Variants in TOLLIP observed in about 807,000 individuals in gnomAD.
The protein encoded by TOLLIP is toll-interacting protein.
In TOLLIP, 16 loss-of-function variants were observed where a neutral mutation model predicts 33.5. The ratio of observed to expected loss-of-function variants is 0.48; its 90% CI spans 0.32 to 0.72. The LOEUF is 0.72. Among genes scored for constraint, TOLLIP ranks in the 30% least tolerant of loss-of-function variants. The pLI, the probability that TOLLIP is intolerant of heterozygous loss-of-function variation, is 0.03. For synonymous variants in TOLLIP, 176 were observed against 163.7 expected (o/e 1.07, Z -0.57); for missense variants, 325 against 396.6 (o/e 0.82, Z 1.53).
intron 3 of TOLLIP, among the ~76,000 whole-genome samples, chr11:1,289,673 G>A (rs1170794392): frequency 6.8e-6 from 1 of 147,866 alleles, no homozygotes; most frequent in African/African-American, 2.5e-5. Flanking sequence ...CCAGACGAGT[G>A]CCCAGTGGAC....
At chr11:1,280,670 GCGCCGGA>G (rs778378867) in intron 5 of TOLLIP, among the ~76,000 whole-genome samples, 4 of 152,056 alleles carry the variant, frequency 2.6e-5, no homozygotes, top group Non-Finnish European at 5.9e-5. Flanking sequence ...GGCTGGGGAG[GCGCCGGA>G]CGCCCCACTT....
chr11:1,296,789 G>A (rs2133919093), intron 1 of TOLLIP, among the ~76,000 whole-genome samples: 1 of 109,398 alleles, frequency 9.1e-6, no homozygotes, highest in East Asian at 2.8e-4. Flanking sequence ...TGCTGGTGGA[G>A]TGGGGTGGAG....
At chr11:1,301,381 C>T (rs946434588) in intron 1 of TOLLIP, among the ~76,000 whole-genome samples, 4 of 152,224 alleles carry the variant, frequency 2.6e-5, no homozygotes, top group East Asian at 1.9e-4. Context: ...CCCACACAAA[C>T]GGCATCCGCA....
chr11:1,296,299 A>G (rs758879462), intron 1 of TOLLIP, among the ~76,000 whole-genome samples: 9 of 152,270 alleles, frequency 5.9e-5, no homozygotes, highest in Non-Finnish European at 1.3e-4. Context: ...GTATCCCAGA[A>G]GAACGCAGGA....
At chr11:1,283,554 G>A (rs1403412033) in intron 5 of TOLLIP, 1 of 456,230 alleles carries the variant, frequency 2.2e-6, no homozygotes, top group South Asian at 1.5e-5. Context: ...ATCTCCTTGG[G>A]AACTTTTCTA....
rs1395031762 is a variant in TOLLIP at position 1,295,803 on chromosome 11, C to T, written c.34-9G>A. 1 of 1,547,308 alleles carries T rather than the reference C, an allele frequency of 6.5e-7. No homozygotes were observed. Among genetic ancestry groups the T allele is most frequent in the Admixed American group, 2.0e-5 (1 of 50,888 alleles). On this transcript the variant is annotated splice_polypyrimidine_tract_variant and intron_variant, in intron 1 of 5. Coordinates refer to ENST00000317204, the MANE Select transcript of TOLLIP (RefSeq NM_019009.4). ...AGCTCACCGATGTACACCTGCGGGG[C>T]CGGGGACCAGAGAGGCCAGTGAGTC...
At chr11:1,280,587 G>A (rs558847993) in intron 5 of TOLLIP, among the ~76,000 whole-genome samples, 3 of 152,220 alleles carry the variant, frequency 2.0e-5, no homozygotes, top group African/African-American at 7.2e-5. Context: ...TGGAAACAGC[G>A]TCAACGGGCA....
intron 1 of TOLLIP, chr11:1,302,758 C>T (rs1482961916): frequency 1.0e-6 from 1 of 985,630 alleles, no homozygotes; most frequent in Non-Finnish European, 1.2e-6. Flanking sequence ...TTTCATGCAA[C>T]TGCTCTTGGC....
At chr11:1,282,774 G>A (rs1377307293) in intron 5 of TOLLIP, among the ~76,000 whole-genome samples, 652 of 105,668 alleles carry the variant, frequency 6.2e-3, no homozygotes, top group Middle Eastern at 0.043. Context: ...AAAACTTAAA[G>A]TATAATTAAA....
In TOLLIP at chr11:1,288,665, C is replaced by G; in HGVS notation, c.478G>C (p.Asp160His). ...AGGTTGATCATGCCCTCCTTGTCGT[C>G]CCCCTGCCTCCCGCTCAGGCTGTAC... ...KWYSLSGRQGDDKEGMINLVM... is the reference protein window; with the variant it reads ...KWYSLSGRQGHDKEGMINLVM... The change falls in exon 4 of 6, where the codon GAC (aspartate) becomes CAC (histidine). Residue 160 changes from aspartate (D) to histidine (H), a missense_variant. Asp to His is a moderately conservative substitution (Grantham distance 81). Transcript: ENST00000317204. The G allele has an allele frequency of 6.2e-7, 1 of 1,612,806 alleles. No homozygotes were observed. Among genetic ancestry groups the G allele is most frequent in the Non-Finnish European group, 8.5e-7 (1 of 1,179,780 alleles).
chr11:1,299,784 G>C (rs1465530678), intron 1 of TOLLIP, among the ~76,000 whole-genome samples: 1 of 152,214 alleles, frequency 6.6e-6, no homozygotes, highest in Non-Finnish European at 1.5e-5. Flanking sequence ...GGGCACGTGA[G>C]CACAGGATGC....
chr11:1,288,161 A>G (rs1011210977), intron 4 of TOLLIP, among the ~76,000 whole-genome samples: 1 of 152,080 alleles, frequency 6.6e-6, no homozygotes, highest in Admixed American at 6.5e-5. Flanking sequence ...AGCAGCCCCC[A>G]GGCTTCCCCG....
At chr11:1,291,387 C>G (rs1212312419) in intron 2 of TOLLIP, among the ~76,000 whole-genome samples, 1 of 151,916 alleles carries the variant, frequency 6.6e-6, no homozygotes, top group African/African-American at 2.4e-5. Flanking sequence ...TCCCGGCCCT[C>G]CCACCCACAT....
intron 1 of TOLLIP, among the ~76,000 whole-genome samples, chr11:1,305,616 G>A (rs553672351): frequency 1.3e-5 from 2 of 152,324 alleles, no homozygotes; most frequent in African/African-American, 4.8e-5. Context: ...ATAAAGTTCA[G>A]AAACTACCCT....
At chr11:1,305,546 C>T (rs905519468) in intron 1 of TOLLIP, among the ~76,000 whole-genome samples, 2 of 152,202 alleles carry the variant, frequency 1.3e-5, no homozygotes, top group Admixed American at 1.3e-4. Context: ...CAGCCGACAC[C>T]GGTTGATGGG....
intron 1 of TOLLIP, among the ~76,000 whole-genome samples, chr11:1,307,371 G>C (rs1294313561): frequency 6.6e-6 from 1 of 152,218 alleles, no homozygotes; most frequent in Non-Finnish European, 1.5e-5. Context: ...CACAGGCCCT[G>C]CGTGTGAGAA....
intron 1 of TOLLIP, among the ~76,000 whole-genome samples, chr11:1,297,181 G>A (rs975620805): frequency 6.6e-6 from 1 of 152,134 alleles, no homozygotes; most frequent in Admixed American, 6.5e-5. Flanking sequence ...TGCTGAGGCC[G>A]CCAGAACGCC....
intron 1 of TOLLIP, among the ~76,000 whole-genome samples, chr11:1,306,436 C>G (rs931181438): frequency 6.6e-6 from 1 of 152,118 alleles, no homozygotes; most frequent in African/African-American, 2.4e-5. Context: ...CAGGGTCTCC[C>G]GAGCCAGAGT....
chr11:1,295,591 AC>A, intron 2 of TOLLIP, 53 bp downstream of exon 2: 1 of 1,437,154 alleles, frequency 7.0e-7, no homozygotes, highest in Non-Finnish European at 9.2e-7. Context: ...CCGAAATCCC[AC>A]CCCCACCGAG....
Sources: gnomAD v4.1 joint callset for allele counts (sites outside exome capture counted in the v4.1 genomes callset) on GRCh38, gnomAD v4.1.1 for gene constraint, MANE v1.5 for transcripts, NCBI Gene and HGNC (gene_info 2026-07-23, HGNC 2026-07-21) for gene names.